The following DLGAP1 variants were observed in gnomAD, a reference collection of about 807,000 sequenced individuals.
DLGAP1 encodes the protein disks large-associated protein 1.
A neutral mutation model predicts 90.8 loss-of-function variants in DLGAP1; 11 were observed. The ratio of observed to expected loss-of-function variants is 0.12; its 90% confidence interval spans 0.08 to 0.20. The LOEUF (loss-of-function observed/expected upper bound fraction) is 0.20. Ranked by LOEUF, DLGAP1 falls within the 10% of genes least tolerant of loss-of-function variation. The pLI is 1.00. For synonymous variants in DLGAP1, 558 were observed against 540.7 expected (o/e 1.03, Z -0.44); for missense variants, 1,050 against 1,333.8 (o/e 0.79, Z 3.31).
rs905656692 is a variant in DLGAP1, at chr18:3,496,837, G to A, written c.*2348C>T. ...AATTTAAATTGTATTTTCAAGGAAG[G>A]CAAAGATCATGATGCCCTGTAGGCC... On this transcript the variant is annotated 3_prime_UTR_variant, in exon 13 of 13. Transcript: ENST00000315677. The A allele has an allele frequency of 3.3e-5, 5 of 152,078 alleles. No homozygotes were observed. The highest frequency in any genetic ancestry group is 1.2e-4 in the African/African-American group (5 of 41,398). The allele number at this position is 152,078 out of a possible 1,614,324, so 9.4% of individuals were successfully genotyped here.
At chr18:4,071,237 CATGTGT>C (rs755014901) in intron 2 of DLGAP1, among the ~76,000 whole-genome samples, 2 of 151,464 alleles carry the variant, frequency 1.3e-5, no homozygotes, top group South Asian at 2.1e-4. Flanking sequence ...TAAAGATATA[CATGTGT>C]GTGTGTGTGT....
chr18:4,043,625 T>G (rs2075007824), intron 2 of DLGAP1, among the ~76,000 whole-genome samples: 2 of 152,188 alleles, frequency 1.3e-5, no homozygotes, highest in South Asian at 4.1e-4. Context: ...TCTTTTATAC[T>G]TCAACATCCC....
chr18:4,035,406 A>G (rs2074872427), intron 2 of DLGAP1, among the ~76,000 whole-genome samples: 1 of 152,192 alleles, frequency 6.6e-6, no homozygotes, highest in South Asian at 2.1e-4. Context: ...AAGATACCTG[A>G]GTTAGGATTA....
intron 10 of DLGAP1, among the ~76,000 whole-genome samples, chr18:3,521,858 C>T (rs2051214044): frequency 6.6e-6 from 1 of 152,156 alleles, no homozygotes; most frequent in Admixed American, 6.6e-5. Flanking sequence ...AAACAAACTA[C>T]CTGTGATATT....
Position 3,518,525 on chromosome 18 carries a change from T to TAAA in DLGAP1, c.2480-9867_2480-9865dup, listed in dbSNP as rs34819875. On this transcript the variant is annotated intron_variant, in intron 10 of 12. Transcript: ENST00000315677. The stretch of plus-strand genomic sequence containing the variant: ...GGTTGCCACAAACCTTCAATTTGTT[T>TAAA]AAAAAAAAAAAAAAGCAGTGTCTTC... 3.4e-5 allele frequency among the ~76,000 whole-genome samples: 5 copies of TAAA among 148,868 alleles called. No homozygotes were observed. The South Asian group carries it at 1.1e-3, about 31-fold the overall frequency.
intron 7 of DLGAP1, among the ~76,000 whole-genome samples, chr18:3,627,755 A>T (rs1460601865): frequency 6.6e-6 from 1 of 152,002 alleles, no homozygotes; most frequent in Non-Finnish European, 1.5e-5. Flanking sequence ...CAAATTCCTA[A>T]GCTCAAGTGA....
At chr18:3,676,241 G>A (rs950961189) in intron 7 of DLGAP1, among the ~76,000 whole-genome samples, 3 of 152,126 alleles carry the variant, frequency 2.0e-5, no homozygotes, top group Non-Finnish European at 2.9e-5. Flanking sequence ...GATTAGGGTG[G>A]GGCAACCAGC....
At chr18:3,601,497 C>T (rs1326842438) in intron 7 of DLGAP1, among the ~76,000 whole-genome samples, 1 of 151,990 alleles carries the variant, frequency 6.6e-6, no homozygotes, top group Non-Finnish European at 1.5e-5. Context: ...TTCCCAACCC[C>T]TCCTTTCCCA....
chr18:4,336,075 T>G (rs1387291674), intron 1 of DLGAP1, among the ~76,000 whole-genome samples: 2 of 152,212 alleles, frequency 1.3e-5, no homozygotes. Context: ...AATCTGCCTG[T>G]TATCACTATT....
chr18:3,614,163 G>T (rs948548831), intron 7 of DLGAP1, among the ~76,000 whole-genome samples: 1 of 148,846 alleles, frequency 6.7e-6, no homozygotes, highest in African/African-American at 2.5e-5. Flanking sequence ...CAGGCAATCC[G>T]CCCGCCTCGG....
intron 7 of DLGAP1, among the ~76,000 whole-genome samples, chr18:3,643,746 T>C (rs542461643): frequency 4.2e-4 from 63 of 151,530 alleles, no homozygotes; most frequent in African/African-American, 1.5e-3. Context: ...CAAATATAGG[T>C]TCAACATTGC....
intron 1 of DLGAP1, among the ~76,000 whole-genome samples, chr18:4,307,876 T>C (rs993527298): frequency 2.0e-5 from 3 of 152,066 alleles, no homozygotes; most frequent in Non-Finnish European, 2.9e-5. Context: ...CCACCACGCC[T>C]GGCCAATTTT....
chr18:4,208,807 G>C (rs8092071), intron 1 of DLGAP1, among the ~76,000 whole-genome samples: 3 of 151,936 alleles, frequency 2.0e-5, no homozygotes, highest in African/African-American at 7.3e-5. Flanking sequence ...GAGAGGTTGG[G>C]GGGGTGGAGA....
chr18:3,575,471 T>C (rs1200523305), intron 8 of DLGAP1, among the ~76,000 whole-genome samples: 1 of 152,050 alleles, frequency 6.6e-6, no homozygotes, highest in African/African-American at 2.4e-5. Context: ...GGCCTAAAGG[T>C]AGTACATGAA....
chr18:4,106,614 G>C (rs781438604), intron 2 of DLGAP1, among the ~76,000 whole-genome samples: 2 of 152,160 alleles, frequency 1.3e-5, no homozygotes, highest in Non-Finnish European at 2.9e-5. Context: ...AGCCGGCAGA[G>C]GGCAGAACAG....
chr18:3,590,779 C>T (rs1000912031), intron 7 of DLGAP1, among the ~76,000 whole-genome samples: 10 of 151,780 alleles, frequency 6.6e-5, no homozygotes, highest in Non-Finnish European at 1.3e-4. Flanking sequence ...TGCTTGAACC[C>T]GGGAGGTAGA....
In DLGAP1 at chr18:4,451,647, GA is replaced by G. The variant is rs1486594096; in HGVS notation, c.-267+3358del. 2.0e-5 allele frequency among the ~76,000 whole-genome samples: 3 copies of G among 152,156 alleles called. No homozygotes were observed. The East Asian group carries it at 5.8e-4, about 29-fold the overall frequency. ...TCGAGCTACAAATTCTCATGCTTCG[GA>G]AAAAAGAAAGAAAAAACATCTTTTG... On this transcript the variant is annotated intron_variant, in intron 1 of 12. Transcript: ENST00000315677.
chr18:3,569,127 G>A (rs1176099783), intron 8 of DLGAP1, among the ~76,000 whole-genome samples: 5 of 151,404 alleles, frequency 3.3e-5, no homozygotes, highest in Admixed American at 1.3e-4. Context: ...TCAGCCTCCC[G>A]AGTAGCTGAA....
chr18:3,522,135 CTTTT>C (rs11374414), intron 10 of DLGAP1, among the ~76,000 whole-genome samples: 3 of 98,218 alleles, frequency 3.1e-5, no homozygotes, highest in Non-Finnish European at 5.7e-5. Context: ...TTCTTTCTTG[CTTTT>C]TTTTTTTTTT....
Sources: allele counts gnomAD v4.1 joint callset (sites outside exome capture counted in the v4.1 genomes callset), GRCh38; gene constraint gnomAD v4.1.1; transcripts MANE v1.5; gene names NCBI Gene and HGNC (gene_info 2026-07-23, HGNC 2026-07-21).